The following GAPVD1 variants were observed in gnomAD, a reference collection of about 807,000 sequenced individuals.
The protein encoded by GAPVD1 is GTPase activating protein and VPS9 domains 1, also known as GTPase-activating protein and VPS9 domain-containing protein 1.
Under a neutral mutation model 155.5 loss-of-function variants are expected in GAPVD1, and 35 were observed. The observed-to-expected ratio is 0.23, with a 90% CI of 0.17 to 0.30. GAPVD1 has a LOEUF of 0.30. GAPVD1 is among the 10% of genes least tolerant of loss of function. GAPVD1 has a pLI of 1.00. For missense variants in GAPVD1, 1,429 were observed against 1,775.7 expected (o/e 0.80, Z 3.51); for synonymous variants, 636 against 619.7 (o/e 1.03, Z -0.39).
At chr9:125,327,492 G>GT (rs1053631728) in intron 12 of GAPVD1, among the ~76,000 whole-genome samples, 36 of 151,074 alleles carry the variant, frequency 2.4e-4, no homozygotes, top group African/African-American at 6.8e-4. Context: ...TAACCAATAG[G>GT]TTTTTTTTTG....
rs1588998629 is a variant in GAPVD1, at chr9:125,332,629, G to A, written c.2428G>A (p.Gly810Ser). The stretch of plus-strand genomic sequence containing the variant: ...TCCAGACATGGATGAAATAACTCAC[G>A]GTAAGAGGGGGAAATGAGGATGACT... The part of the protein sequence containing the change: ...TSPDMDEITH[G>S]AHQLTSPPSQ... The change falls in exon 15 of 28, where the codon GGT (glycine) becomes AGT (serine). Residue 810 changes from glycine (G) to serine (S), a missense_variant and splice_region_variant. Transcript: ENST00000297933. 1 of 1,605,038 alleles carries A rather than the reference G, an allele frequency of 6.2e-7. No individual in the cohort carries two copies.
chr9:125,263,940 C>T (rs1052373831), intron 1 of GAPVD1: 38 of 1,416,356 alleles, frequency 2.7e-5, no homozygotes, highest in Non-Finnish European at 3.5e-5. Context: ...TTCATGTAGC[C>T]TTGAGACTTG....
chr9:125,278,481 A>T (rs1177778716), intron 2 of GAPVD1, among the ~76,000 whole-genome samples: 1 of 152,148 alleles, frequency 6.6e-6, no homozygotes, highest in Non-Finnish European at 1.5e-5. Flanking sequence ...AGATCATGCC[A>T]CTACCCTCCA....
intron 3 of GAPVD1, among the ~76,000 whole-genome samples, chr9:125,296,151 C>T (rs750858320): frequency 2.0e-5 from 3 of 151,516 alleles, no homozygotes; most frequent in African/African-American, 7.3e-5. Flanking sequence ...GTACAAGTTG[C>T]AGACATCCTA....
Position 125,321,493 on chromosome 9 carries a change from C to T in GAPVD1, c.1663C>T (p.Leu555Phe). 2 of 1,612,824 alleles carry T rather than the reference C, an allele frequency of 1.2e-6. No homozygotes were observed. Among genetic ancestry groups the T allele is most frequent in the Non-Finnish European group, 1.7e-6 (2 of 1,178,810 alleles). Reference protein sequence around the residue: ...QGDVPVDENKLHGKPDKTLRF... With the variant: ...QGDVPVDENKFHGKPDKTLRF... ...AGATGTCCCTGTTGATGAAAACAAACTCCATGGTAAACCTGATAAAACCTT... is the reference window on the plus strand; with the variant it reads ...AGATGTCCCTGTTGATGAAAACAAATTCCATGGTAAACCTGATAAAACCTT... The change falls in exon 10 of 28, where the codon CTC becomes TTC. Residue 555 changes from leucine to phenylalanine, a missense_variant. By Grantham distance (22) the Leu-to-Phe change is conservative. This residue lies in a region of GAPVD1 where 628 missense variants were observed against 733.4 expected (regional missense o/e 0.86). Transcript: ENST00000297933.
At chr9:125,330,277 G>T in intron 13 of GAPVD1, 59 bp downstream of exon 13, 1 of 1,165,792 alleles carries the variant, frequency 8.6e-7, no homozygotes, top group Non-Finnish European at 1.2e-6. Context: ...TTAAATGCAA[G>T]GTATCCCAAC....
At chr9:125,293,889 T>G (rs1464519004) in intron 2 of GAPVD1, among the ~76,000 whole-genome samples, 1 of 91,528 alleles carries the variant, frequency 1.1e-5, no homozygotes, top group Non-Finnish European at 2.1e-5. Context: ...TATATATATA[T>G]ATATATATAT....
At chr9:125,264,820 G>T (rs1470632613) in intron 1 of GAPVD1, among the ~76,000 whole-genome samples, 3 of 151,548 alleles carry the variant, frequency 2.0e-5, no homozygotes, top group Non-Finnish European at 4.4e-5. Flanking sequence ...CCGGGTTCAT[G>T]CCATTCTCCT....
At chr9:125,271,278 C>T (rs532121746) in intron 2 of GAPVD1, among the ~76,000 whole-genome samples, 73 of 151,884 alleles carry the variant, frequency 4.8e-4, no homozygotes, top group African/African-American at 1.4e-3. Context: ...CTTATAATGC[C>T]GGTACACCCA....
rs1443729723 is a variant in GAPVD1 at position 125,302,722 on chromosome 9, C to G, written c.925C>G (p.Leu309Val). The G allele has an allele frequency of 1.2e-6, 2 of 1,614,110 alleles. No homozygotes were observed. Among genetic ancestry groups the G allele is most frequent in the South Asian group, 1.1e-5 (1 of 91,074 alleles). ...VGEVRAMCTD[L>V]LLACFICPAV... ...GGAGGTCAGGGCAATGTGTACTGATCTCCTGTTGGCCTGCTTCATTTGTCC... is the reference window on the plus strand; with the variant it reads ...GGAGGTCAGGGCAATGTGTACTGATGTCCTGTTGGCCTGCTTCATTTGTCC... The change falls in exon 5 of 28, where the codon CTC becomes GTC. Residue 309 changes from leucine to valine, a missense_variant. Transcript: ENST00000297933.
At chr9:125,345,479 C>T (rs1168593318) in intron 19 of GAPVD1, among the ~76,000 whole-genome samples, 1 of 152,134 alleles carries the variant, frequency 6.6e-6, no homozygotes, top group Non-Finnish European at 1.5e-5. Flanking sequence ...CGTGCCCAGC[C>T]TAATACAGTA....
intron 5 of GAPVD1, 109 bp from the exon 6 acceptor site, chr9:125,304,954 A>G: frequency 4.3e-6 from 3 of 692,748 alleles, no homozygotes; most frequent in Non-Finnish European, 7.7e-6. Context: ...TATGAATAGT[A>G]TTATGAAACA....
chr9:125,355,946 A>T, intron 25 of GAPVD1, 89 bp downstream of exon 25: 1 of 733,988 alleles, frequency 1.4e-6, no homozygotes, highest in Non-Finnish European at 2.5e-6. Flanking sequence ...CGTGTAACTT[A>T]GTGTCTGATT....
intron 10 of GAPVD1, among the ~76,000 whole-genome samples, chr9:125,323,366 C>T (rs1384892419): frequency 2.0e-5 from 3 of 151,408 alleles, no homozygotes; most frequent in Admixed American, 6.6e-5. Flanking sequence ...AGTGCAGTGG[C>T]GCGATCTCGG....
chr9:125,299,166 T>A (rs1840364834), intron 4 of GAPVD1, 60 bp downstream of exon 4: 2 of 832,894 alleles, frequency 2.4e-6, no homozygotes, highest in Non-Finnish European at 3.7e-6. Flanking sequence ...GTAAATAAAT[T>A]AGTAACTATA....
At chr9:125,264,999 G>A (rs1428894226) in intron 1 of GAPVD1, among the ~76,000 whole-genome samples, 1 of 152,266 alleles carries the variant, frequency 6.6e-6, no homozygotes, top group South Asian at 2.1e-4. Context: ...GATTATTGGC[G>A]TGAGCCACCG....
chr9:125,283,113 G>A (rs1341121404), intron 2 of GAPVD1, among the ~76,000 whole-genome samples: 1 of 151,460 alleles, frequency 6.6e-6, no homozygotes. Context: ...AGGCTGGAGT[G>A]CAATGGCGTG....
chr9:125,290,993 GTA>G (rs1838502053), intron 2 of GAPVD1, among the ~76,000 whole-genome samples: 1 of 74,336 alleles, frequency 1.3e-5, no homozygotes. Context: ...CTGTCTCAAA[GTA>G]AAAAAAAAAA....
intron 2 of GAPVD1, among the ~76,000 whole-genome samples, chr9:125,281,114 G>A (rs1027737860): frequency 2.0e-5 from 3 of 152,124 alleles, no homozygotes; most frequent in Admixed American, 1.3e-4. Flanking sequence ...ACACCATAAT[G>A]TGTTAACAGA....
Sources: gnomAD v4.1 joint callset for allele counts (sites outside exome capture counted in the v4.1 genomes callset) on GRCh38, gnomAD v4.1.1 for gene constraint, gnomAD v4.1.1 regional missense constraint, MANE v1.5 for transcripts, NCBI Gene and HGNC (gene_info 2026-07-23, HGNC 2026-07-21) for gene names.